CIMAP1D: variants seen among roughly 807,000 people sequenced by gnomAD.
CIMAP1D encodes CIMAP1 family member D.
the CIMAP1D span, among the ~76,000 whole-genome samples, chr19:486,300 C>G: frequency 6.6e-6 from 1 of 152,272 alleles, no homozygotes; most frequent in East Asian, 1.9e-4. Flanking sequence ...CTGCGTTGGT[C>G]CCTCCGGACT....
chr19:484,703 CGGA>C, the CIMAP1D span, among the ~76,000 whole-genome samples: 1 of 151,940 alleles, frequency 6.6e-6, no homozygotes, highest in South Asian at 2.1e-4. Flanking sequence ...CCTGGCGAGG[CGGA>C]GGAGCGAGGA....
At chr19:476,674 T>G in the CIMAP1D span, among the ~76,000 whole-genome samples, 14 of 152,202 alleles carry the variant, frequency 9.2e-5, no homozygotes, top group Non-Finnish European at 1.3e-4. Context: ...TTACAGAGCA[T>G]ATTATCTGGT....
At chr19:488,178 C>CT in the CIMAP1D span, among the ~76,000 whole-genome samples, 1 of 151,966 alleles carries the variant, frequency 6.6e-6, no homozygotes, top group African/African-American at 2.4e-5. Flanking sequence ...AACTGGGTGT[C>CT]TGAGGAGTTT....
the CIMAP1D span, among the ~76,000 whole-genome samples, chr19:483,857 C>T: frequency 1.3e-5 from 2 of 152,206 alleles, no homozygotes; most frequent in Admixed American, 6.5e-5. Flanking sequence ...ACCTGTCAGC[C>T]GCCATCCTGC....
chr19:469,964 G>C, the CIMAP1D span, among the ~76,000 whole-genome samples: 1 of 60,686 alleles, frequency 1.6e-5, no homozygotes, highest in Non-Finnish European at 3.0e-5. Flanking sequence ...CTCATCTCAA[G>C]GCCTCAGCCT....
chr19:483,562 C>A, the CIMAP1D span, among the ~76,000 whole-genome samples: 4 of 152,220 alleles, frequency 2.6e-5, no homozygotes, highest in African/African-American at 7.2e-5. Context: ...CCCCAGGGGA[C>A]GCTGGGCAGT....
At chr19:474,731 C>A in the CIMAP1D span, 1 of 1,538,804 alleles carries the variant, frequency 6.5e-7, no homozygotes, top group Non-Finnish European at 8.8e-7. Context: ...GGTGGAGTCG[C>A]AGCTGAGGGT....
At chr19:477,574 G>A in the CIMAP1D span, among the ~76,000 whole-genome samples, 40 of 150,848 alleles carry the variant, frequency 2.7e-4, no homozygotes, top group African/African-American at 9.1e-4. Flanking sequence ...GTGACAGAGC[G>A]AGACTCCACG....
chr19:465,868 GTGGATGGGTGGGTGGATGGGCGGGTGGA>G, the CIMAP1D span, among the ~76,000 whole-genome samples: 2 of 123,430 alleles, frequency 1.6e-5, no homozygotes, highest in African/African-American at 3.0e-5. Flanking sequence ...GGATGGGTGG[GTGGATGGGTGGGTGGATGGGCGGGTGGA>G]TGGATGGGTG....
At chr19:478,621 G>T in the CIMAP1D span, among the ~76,000 whole-genome samples, 1 of 152,376 alleles carries the variant, frequency 6.6e-6, no homozygotes, top group African/African-American at 2.4e-5. Context: ...TTGCAAATGA[G>T]ATGCAAATGA....
the CIMAP1D span, chr19:490,257 G>A: frequency 3.4e-6 from 1 of 293,718 alleles, no homozygotes. Flanking sequence ...TTGGAAGGCC[G>A]TCACAGTAGA....
the CIMAP1D span, among the ~76,000 whole-genome samples, chr19:474,117 G>A: frequency 6.6e-6 from 1 of 152,154 alleles, no homozygotes; most frequent in Non-Finnish European, 1.5e-5. Flanking sequence ...GATCAGGAGA[G>A]ACCACAGAAC....
the CIMAP1D span, among the ~76,000 whole-genome samples, chr19:481,355 A>G: frequency 7.7e-6 from 1 of 130,492 alleles, no homozygotes; most frequent in Non-Finnish European, 1.6e-5. Flanking sequence ...GATGGGAAGG[A>G]TGATGGAGAA....
At chr19:473,890 A>C in the CIMAP1D span, among the ~76,000 whole-genome samples, 265 of 140,452 alleles carry the variant, frequency 1.9e-3, no homozygotes, top group South Asian at 0.019. Context: ...GCAGAGATAC[A>C]CGGTCACAGA....
At chr19:472,368 T>G in the CIMAP1D span, 1 of 1,360,522 alleles carries the variant, frequency 7.4e-7, no homozygotes. Flanking sequence ...CAGGGAAGCC[T>G]CCAGCCGCCC....
chr19:485,214 C>G, the CIMAP1D span, among the ~76,000 whole-genome samples: 1 of 152,178 alleles, frequency 6.6e-6, no homozygotes, highest in Admixed American at 6.5e-5. Flanking sequence ...TACACACACA[C>G]ACACAGGTGC....
At chr19:480,791 G>A in the CIMAP1D span, among the ~76,000 whole-genome samples, 1 of 112,962 alleles carries the variant, frequency 8.9e-6, no homozygotes, top group Non-Finnish European at 1.6e-5. Context: ...GGAGAATGAT[G>A]ATGCAGAAGG....
chr19:488,390 CA>C, the CIMAP1D span, among the ~76,000 whole-genome samples: 3 of 152,000 alleles, frequency 2.0e-5, no homozygotes, highest in Non-Finnish European at 2.9e-5. Context: ...GGCGTGGTGG[CA>C]GGCGCCTGTA....
chr19:490,286 G>A, the CIMAP1D span: 2 of 277,752 alleles, frequency 7.2e-6, no homozygotes, highest in African/African-American at 4.5e-5. Flanking sequence ...AACCCGTGAG[G>A]TGGAGGTTGC....
Sources: gnomAD v4.1 joint callset for allele counts (sites outside exome capture counted in the v4.1 genomes callset) on GRCh38, gnomAD v4.1.1 for gene constraint, MANE v1.5 for transcripts, NCBI Gene and HGNC (gene_info 2026-07-23, HGNC 2026-07-21) for gene names.